The following ADARB2 variants were observed in gnomAD, a reference collection of about 807,000 sequenced individuals.
ADARB2 encodes adenosine deaminase RNA specific B2 (inactive).
Under a neutral mutation model 62.2 loss-of-function variants are expected in ADARB2, and 25 were observed. The ratio of observed to expected loss-of-function variants is 0.40; its 90% CI spans 0.29 to 0.56. The LOEUF is 0.56. Among genes scored for constraint, ADARB2 ranks in the 20% least tolerant of loss-of-function variants. The pLI is 0.43. For missense variants in ADARB2, 1,071 were observed against 1,077.4 expected, an observed-to-expected ratio of 0.99 and a Z score of 0.08; for synonymous variants, 572 against 500.8, an observed-to-expected ratio of 1.14 and a Z score of -1.90.
intron 4 of ADARB2, among the ~76,000 whole-genome samples, chr10:1,260,464 T>C (rs201315774): frequency 0.82 from 121,948 of 147,936 alleles, 50,503 homozygotes; most frequent in Middle Eastern, 0.91. Context: ...TCTCAGGATA[T>C]AAAATCAATG....
At chr10:1,201,684 A>G (rs2131743137) in intron 7 of ADARB2, among the ~76,000 whole-genome samples, 1 of 149,144 alleles carries the variant, frequency 6.7e-6, no homozygotes, top group East Asian at 2.0e-4. Context: ...TGGATGTCGG[A>G]TGGTCGGAGG....
intron 1 of ADARB2, among the ~76,000 whole-genome samples, chr10:1,490,138 G>A (rs1004680412): frequency 6.6e-6 from 1 of 152,110 alleles, no homozygotes; most frequent in African/African-American, 2.4e-5. Flanking sequence ...CACTAACAAC[G>A]GCCTAGGAGA....
At chr10:1,347,005 ATCTTAACACGGGT>A (rs1832087120) in intron 3 of ADARB2, among the ~76,000 whole-genome samples, 1 of 152,248 alleles carries the variant, frequency 6.6e-6, no homozygotes. Flanking sequence ...ACCTATGGAC[ATCTTAACACGGGT>A]TCTATTTTCT....
At chr10:1,700,019 C>T (rs1185974422) in intron 1 of ADARB2, among the ~76,000 whole-genome samples, 2 of 20,084 alleles carry the variant, frequency 1.0e-4, no homozygotes, top group African/African-American at 1.5e-4. Flanking sequence ...AATCCCACTC[C>T]ACCAGGAGAC....
intron 1 of ADARB2, among the ~76,000 whole-genome samples, chr10:1,550,767 C>T (rs967820490): frequency 2.6e-5 from 4 of 151,522 alleles, no homozygotes; most frequent in Admixed American, 6.6e-5. Flanking sequence ...GCCACAACCC[C>T]GAGTGCTTAG....
rs529793997 is a variant in ADARB2, at chr10:1,352,868, C to G, written c.1077+10160G>C. On this transcript the variant is annotated intron_variant, in intron 3 of 9. Transcript: ENST00000381312. Reference sequence around the variant, plus strand: ...CTCTCTGATCCACCTGACATTCACCCCATTTCCCCATATTTCCTTCTTCCC... The same window carrying G: ...CTCTCTGATCCACCTGACATTCACCGCATTTCCCCATATTTCCTTCTTCCC... Among the ~76,000 whole-genome samples the G allele has an allele frequency of 2.6e-5, 4 of 152,294 alleles. No homozygotes were observed. The East Asian group carries it at 7.7e-4, about 29-fold the overall frequency.
In ADARB2 at chr10:1,644,287, C is replaced by A. The variant is rs192704702; in HGVS notation, c.100+92764G>T. On this transcript the variant is annotated intron_variant, in intron 1 of 9. Transcript: ENST00000381312. ...TACTGATTTACTGCGCTGGGAACAG[C>A]ACTCCATCAATGTCCCCGAGCTGCC... Among the ~76,000 whole-genome samples, 443 of 152,376 alleles carry A rather than the reference C, an allele frequency of 2.9e-3. 4 individuals are homozygous for A. Among genetic ancestry groups the A allele is most frequent in the South Asian group, 5.6e-3 (27 of 4,832 alleles).
intron 1 of ADARB2, among the ~76,000 whole-genome samples, chr10:1,656,487 G>A (rs374526435): frequency 8.5e-5 from 13 of 152,130 alleles, no homozygotes; most frequent in East Asian, 5.8e-4. Context: ...TTTCATACTG[G>A]TTGAGAGGTT....
At chr10:1,650,903 A>G (rs1834101884) in intron 1 of ADARB2, among the ~76,000 whole-genome samples, 1 of 152,178 alleles carries the variant, frequency 6.6e-6, no homozygotes. Context: ...ATGGTGGAGC[A>G]GCTTTTCCCG....
intron 1 of ADARB2, among the ~76,000 whole-genome samples, chr10:1,733,290 C>A (rs903264338): frequency 6.6e-6 from 1 of 152,170 alleles, no homozygotes. Context: ...CTTGAAACAG[C>A]CTTTTTCAAA....
At chr10:1,530,536 T>G (rs1832218551) in intron 1 of ADARB2, among the ~76,000 whole-genome samples, 1 of 152,214 alleles carries the variant, frequency 6.6e-6, no homozygotes, top group Non-Finnish European at 1.5e-5. Context: ...AGGACGAGAC[T>G]CCTTGCGGCC....
chr10:1,566,113 C>T (rs1832860404), intron 1 of ADARB2, among the ~76,000 whole-genome samples: 2 of 134,850 alleles, frequency 1.5e-5, no homozygotes, highest in African/African-American at 5.8e-5. Context: ...AAAAAAAACT[C>T]CCCTGTGTAC....
intron 1 of ADARB2, among the ~76,000 whole-genome samples, chr10:1,612,396 G>A (rs1186140050): frequency 6.6e-6 from 1 of 152,216 alleles, no homozygotes; most frequent in African/African-American, 2.4e-5. Context: ...ATAAGGAGGC[G>A]GTCACAACGC....
At chr10:1,264,465 T>G (rs1229659534) in intron 4 of ADARB2, among the ~76,000 whole-genome samples, 1 of 152,236 alleles carries the variant, frequency 6.6e-6, no homozygotes, top group Non-Finnish European at 1.5e-5. Context: ...TAACTGTATT[T>G]AAACTGTCAT....
intron 1 of ADARB2, chr10:1,678,234 G>C (rs1367597010): frequency 1.0e-6 from 1 of 985,216 alleles, no homozygotes; most frequent in Non-Finnish European, 1.2e-6. Context: ...CGACCTCAGG[G>C]TGAGTGTCCT....
chr10:1,722,795 G>T (rs777579458), intron 1 of ADARB2, among the ~76,000 whole-genome samples: 1 of 152,120 alleles, frequency 6.6e-6, no homozygotes, highest in Non-Finnish European at 1.5e-5. Context: ...AAATGAAGAC[G>T]TTTGCCTATC....
intron 7 of ADARB2, among the ~76,000 whole-genome samples, chr10:1,201,320 A>G (rs1002766473): frequency 2.6e-5 from 4 of 152,204 alleles, no homozygotes; most frequent in Non-Finnish European, 5.9e-5. Flanking sequence ...AATGGAATAT[A>G]AAAGGTAATA....
chr10:1,216,837 A>T, intron 7 of ADARB2, 114 bp downstream of exon 7: 2 of 1,356,136 alleles, frequency 1.5e-6, no homozygotes, highest in South Asian at 2.7e-5. Context: ...CAGGGCCCTG[A>T]CCGCATGTGC....
chr10:1,505,772 G>A (rs1391581942), intron 1 of ADARB2, among the ~76,000 whole-genome samples: 2 of 151,962 alleles, frequency 1.3e-5, no homozygotes, highest in African/African-American at 2.4e-5. Context: ...CCCCATGCCC[G>A]TGGTTCTGCC....
Sources: gnomAD v4.1 joint callset for allele counts (sites outside exome capture counted in the v4.1 genomes callset) on GRCh38, gnomAD v4.1.1 for gene constraint, MANE v1.5 for transcripts, NCBI Gene and HGNC (gene_info 2026-07-23, HGNC 2026-07-21) for gene names.